SEPTIN2: variants seen among roughly 807,000 people sequenced by gnomAD.
The protein encoded by SEPTIN2 is septin 2.
Under a neutral mutation model 46.5 loss-of-function variants are expected in SEPTIN2, and 34 were observed. The observed-to-expected ratio is 0.73, with a 90% CI of 0.56 to 0.97. The LOEUF (loss-of-function observed/expected upper bound fraction) is 0.97. Ranked by LOEUF, SEPTIN2 falls within the 50% of genes least tolerant of loss-of-function variation. SEPTIN2 has a pLI of 0.00. For synonymous variants in SEPTIN2, 175 were observed against 153.4 expected, an observed-to-expected ratio of 1.14 and a Z score of -1.04; for missense variants, 347 against 448.4, an observed-to-expected ratio of 0.77 and a Z score of 2.04.
chr2:241,327,278 A>G (rs976085950), intron 3 of SEPTIN2, among the ~76,000 whole-genome samples: 8 of 152,184 alleles, frequency 5.3e-5, no homozygotes, highest in African/African-American at 7.2e-5. Context: ...GATAAAGGAA[A>G]GATACAACAG....
At chr2:241,324,131 C>A (rs148134496) in intron 1 of SEPTIN2, 85 bp from the exon 2 acceptor site, 47 of 1,241,486 alleles carry the variant, frequency 3.8e-5, no homozygotes, top group Middle Eastern at 2.2e-4. Context: ...TTCTTCAGGT[C>A]AGTTCACGCT....
chr2:241,344,828 G>C (rs1284375182), intron 9 of SEPTIN2, among the ~76,000 whole-genome samples: 1 of 152,102 alleles, frequency 6.6e-6, no homozygotes, highest in Admixed American at 6.5e-5. Context: ...CATTTTGGGA[G>C]GCCCAGGCGG....
chr2:241,335,143 A>AT lies in SEPTIN2; in HGVS notation c.148_149insT (p.Lys50IlefsTer12). ...ATTTAAAGGTGAATCAGGTCTAGGA[A>AT]AATCGACTCTCATAAACAGCCTATT... On this transcript the variant is annotated frameshift_variant, in exon 4 of 13. Transcript: ENST00000391971. LOFTEE classifies it high-confidence loss of function. 6.2e-7 allele frequency: 1 copy of AT among 1,613,472 alleles called. No homozygotes were observed. The highest frequency in any genetic ancestry group is 8.5e-7 in the Non-Finnish European group (1 of 1,179,514).
intron 3 of SEPTIN2, among the ~76,000 whole-genome samples, chr2:241,327,636 G>A (rs952228135): frequency 2.0e-5 from 3 of 151,776 alleles, no homozygotes; most frequent in Non-Finnish European, 4.4e-5. Context: ...ACACCAGGAC[G>A]CATCATAACA....
In SEPTIN2 at chr2:241,352,830, T is replaced by G. The variant is rs2060881546; in HGVS notation, c.*893T>G. On this transcript the variant is annotated 3_prime_UTR_variant, in exon 13 of 13. Coordinates refer to ENST00000391971, the MANE Select transcript of SEPTIN2 (RefSeq NM_004404.5). ...TTACTCAACCAAATTAAAAATTTTT[T>G]TAAGGAAAATTAGCAGTTGGTCTAT... 1 of 152,236 alleles carries G rather than the reference T, an allele frequency of 6.6e-6. No individual in the cohort carries two copies. The highest frequency in any genetic ancestry group is 2.4e-5 in the African/African-American group (1 of 41,464). 9.4% of individuals were successfully genotyped at this position (152,236 alleles called of 1,614,324 possible).
In SEPTIN2 at chr2:241,338,771, T is replaced by TATATTTATATTATTTATATATAATAC. The variant is rs2080602294; in HGVS notation, c.594+986_594+987insTATATTATTTATATATAATACATATT. 1.6e-4 allele frequency among the ~76,000 whole-genome samples: 7 copies of TATATTTATATTATTTATATATAATAC among 43,944 alleles called. No individual in the cohort carries two copies. In the East Asian group the frequency reaches 3.4e-3, roughly 22 times the overall value. The allele number at this position is 43,944 out of a possible 152,430, so 28.8% of individuals were successfully genotyped here. ...ATGTAATATATTTATATTGTTTATA[T>TATATTTATATTATTTATATATAATAC]ATATTATATTTATATTATTTATATA... On this transcript the variant is annotated intron_variant, in intron 7 of 12. Transcript: ENST00000391971.
intron 3 of SEPTIN2, among the ~76,000 whole-genome samples, chr2:241,330,262 T>G (rs2149975172): frequency 1.3e-5 from 2 of 152,262 alleles, no homozygotes; most frequent in African/African-American, 4.8e-5. Context: ...ACAGGGCTTG[T>G]GCAGAAAACA....
chr2:241,328,892 G>A (rs575094199), intron 3 of SEPTIN2, among the ~76,000 whole-genome samples: 1 of 143,766 alleles, frequency 7.0e-6, no homozygotes, highest in East Asian at 2.2e-4. Flanking sequence ...TGGTGGTGGA[G>A]GCCTGTAATC....
At chr2:241,345,557 A>T (rs2081906756) in intron 9 of SEPTIN2, among the ~76,000 whole-genome samples, 1 of 152,244 alleles carries the variant, frequency 6.6e-6, no homozygotes, top group African/African-American at 2.4e-5. Context: ...ATGTTTGCTC[A>T]TTCTTGCCTG....
intron 11 of SEPTIN2, among the ~76,000 whole-genome samples, chr2:241,349,053 A>G (rs1168755805): frequency 6.6e-6 from 1 of 152,206 alleles, no homozygotes; most frequent in African/African-American, 2.4e-5. Context: ...ATAAGGATAA[A>G]GATGAATTAA....
chr2:241,345,594 C>T (rs1436108927), intron 9 of SEPTIN2, among the ~76,000 whole-genome samples: 1 of 152,044 alleles, frequency 6.6e-6, no homozygotes, highest in Non-Finnish European at 1.5e-5. Flanking sequence ...ATAAGCTAGG[C>T]AATTAAAAAA....
At chr2:241,321,587 T>A (rs766268691) in intron 1 of SEPTIN2, among the ~76,000 whole-genome samples, 1 of 152,050 alleles carries the variant, frequency 6.6e-6, no homozygotes, top group African/African-American at 2.4e-5. Flanking sequence ...TTTTTTTCCC[T>A]TGGTTTTTCA....
intron 1 of SEPTIN2, chr2:241,316,472 C>A: frequency 6.6e-7 from 1 of 1,517,322 alleles, no homozygotes; most frequent in Non-Finnish European, 8.8e-7. Flanking sequence ...GGCTGGATGC[C>A]GTGGATAAGC....
chr2:241,324,007 G>T, intron 1 of SEPTIN2: 2 of 527,608 alleles, frequency 3.8e-6, no homozygotes, highest in Non-Finnish European at 6.8e-6. Flanking sequence ...AAGAATAAAA[G>T]TAGTGATGTT....
chr2:241,343,949 AT>A (rs1358098104), intron 9 of SEPTIN2, 52 bp downstream of exon 9: 1 of 1,603,956 alleles, frequency 6.2e-7, no homozygotes, highest in South Asian at 1.1e-5. Context: ...AAGAATATGG[AT>A]TTCAGACGGG....
chr2:241,334,324 A>T (rs185586806), intron 3 of SEPTIN2, among the ~76,000 whole-genome samples: 18 of 152,356 alleles, frequency 1.2e-4, no homozygotes, highest in Admixed American at 3.3e-4. Flanking sequence ...CTAGATGATC[A>T]TCTGCAATGA....
intron 7 of SEPTIN2, among the ~76,000 whole-genome samples, chr2:241,338,978 A>G (rs1212087425): frequency 4.5e-5 from 5 of 110,244 alleles, no homozygotes; most frequent in African/African-American, 1.4e-4. Context: ...AATATAATAT[A>G]TAAATATATT....
chr2:241,347,513 C>T (rs1177917237), intron 10 of SEPTIN2, among the ~76,000 whole-genome samples: 1 of 152,158 alleles, frequency 6.6e-6, no homozygotes, highest in Non-Finnish European at 1.5e-5. Context: ...TTCACTCACG[C>T]AGATCCTGCT....
chr2:241,319,733 G>T (rs1416273762), intron 1 of SEPTIN2, among the ~76,000 whole-genome samples: 1 of 151,922 alleles, frequency 6.6e-6, no homozygotes, highest in Non-Finnish European at 1.5e-5. Flanking sequence ...CTGGGATTAC[G>T]GGTGCCCGCC....
Sources: allele counts gnomAD v4.1 joint callset (sites outside exome capture counted in the v4.1 genomes callset), GRCh38; gene constraint gnomAD v4.1.1; transcripts MANE v1.5; gene names NCBI Gene and HGNC (gene_info 2026-07-23, HGNC 2026-07-21).